Variants in SNX3 observed in about 807,000 individuals in gnomAD.
The protein encoded by SNX3 is sorting nexin 3, also known as sorting nexin-3.
A neutral mutation model predicts 17.7 loss-of-function variants in SNX3; 5 were observed. That is an observed-to-expected ratio of 0.28 (90% CI 0.15 to 0.59). The LOEUF (loss-of-function observed/expected upper bound fraction) is 0.59, where lower values mean the gene tolerates loss of function less well. Among genes scored for constraint, SNX3 ranks in the 20% least tolerant of loss-of-function variants. The probability of loss-of-function intolerance (pLI) is 0.88; values close to 1 mark genes in which losing one functional copy is unlikely to be tolerated. For synonymous variants in SNX3, 91 were observed against 76.5 expected (o/e 1.19, Z -0.99); for missense variants, 132 against 206.8 (o/e 0.64, Z 2.22).
chr6:108,255,639 C>T (rs1212651020), intron 1 of SNX3, among the ~76,000 whole-genome samples: 1 of 152,164 alleles, frequency 6.6e-6, no homozygotes, highest in Non-Finnish European at 1.5e-5. Flanking sequence ...ACAGGAGCCA[C>T]CGTGCCCGAC....
chr6:108,236,377 T>C (rs1326326711), intron 1 of SNX3, among the ~76,000 whole-genome samples: 1 of 125,008 alleles, frequency 8.0e-6, no homozygotes, highest in Non-Finnish European at 1.6e-5. Context: ...TTATTATTAT[T>C]ATTTTTTTTT....
chr6:108,253,670 G>C (rs2114768248), intron 1 of SNX3, among the ~76,000 whole-genome samples: 1 of 152,054 alleles, frequency 6.6e-6, no homozygotes, highest in South Asian at 2.1e-4. Context: ...TACTATTTTA[G>C]AATCTATTTT....
chr6:108,250,209 C>A (rs1293680626), intron 1 of SNX3, among the ~76,000 whole-genome samples: 2 of 152,178 alleles, frequency 1.3e-5, no homozygotes, highest in African/African-American at 2.4e-5. Context: ...CCATGCCCGG[C>A]CTCATGTTTT....
At chr6:108,250,626 G>C (rs1445936358) in intron 1 of SNX3, among the ~76,000 whole-genome samples, 1 of 152,138 alleles carries the variant, frequency 6.6e-6, no homozygotes, top group Non-Finnish European at 1.5e-5. Flanking sequence ...GTAAAGTCAA[G>C]ACAAGAGAGG....
chr6:108,240,016 G>A (rs1402398901), intron 1 of SNX3, among the ~76,000 whole-genome samples: 1 of 152,102 alleles, frequency 6.6e-6, no homozygotes, highest in Non-Finnish European at 1.5e-5. Context: ...AAAGTAAAAA[G>A]GTAAAGGGGG....
chr6:108,225,503 C>T (rs896308877), intron 1 of SNX3, among the ~76,000 whole-genome samples: 16 of 151,696 alleles, frequency 1.1e-4, no homozygotes, highest in Admixed American at 3.9e-4. Flanking sequence ...TGGTGGCGGG[C>T]GCCTGCAATC....
chr6:108,236,111 A>T (rs1024445755), intron 1 of SNX3, among the ~76,000 whole-genome samples: 3 of 152,168 alleles, frequency 2.0e-5, no homozygotes, highest in African/African-American at 7.2e-5. Context: ...GAAAGGTAAG[A>T]TTCTAAATAA....
At chr6:108,237,381 T>C (rs149942157) in intron 1 of SNX3, among the ~76,000 whole-genome samples, 2,753 of 152,322 alleles carry the variant, frequency 0.018, 41 homozygotes, top group Middle Eastern at 0.075. Flanking sequence ...CTTGGAAGCA[T>C]GGTAAGATTT....
At chr6:108,251,711 G>A (rs992942104) in intron 1 of SNX3, among the ~76,000 whole-genome samples, 4 of 152,186 alleles carry the variant, frequency 2.6e-5, no homozygotes, top group African/African-American at 9.7e-5. Context: ...TTTCTGGCAA[G>A]CTATAGCAAA....
intron 1 of SNX3, among the ~76,000 whole-genome samples, chr6:108,223,497 CTTTTTTTT>C (rs59920022): frequency 1.2e-4 from 13 of 110,368 alleles, no homozygotes; most frequent in East Asian, 2.3e-4. Context: ...TTTGCTAGTT[CTTTTTTTT>C]TTTTTTTTTT....
intron 3 of SNX3, 91 bp from the exon 4 acceptor site, chr6:108,212,345 T>C: frequency 2.8e-6 from 1 of 353,922 alleles, no homozygotes; most frequent in Non-Finnish European, 4.6e-6. Context: ...GCATGTATAA[T>C]TTTTTTTTTT....
chr6:108,256,472 G>A (rs1195438136), intron 1 of SNX3, among the ~76,000 whole-genome samples: 1 of 152,162 alleles, frequency 6.6e-6, no homozygotes, highest in Non-Finnish European at 1.5e-5. Context: ...CTTATTATGT[G>A]CCAGGCACTG....
chr6:108,247,275 G>A (rs143717182), intron 1 of SNX3, among the ~76,000 whole-genome samples: 2 of 152,182 alleles, frequency 1.3e-5, no homozygotes, highest in East Asian at 1.9e-4. Flanking sequence ...CCAGTCTCGG[G>A]TAGTAAATTT....
intron 1 of SNX3, among the ~76,000 whole-genome samples, chr6:108,225,995 A>G (rs1234194499): frequency 7.0e-6 from 1 of 142,946 alleles, no homozygotes; most frequent in East Asian, 2.2e-4. Flanking sequence ...AACTATGATT[A>G]TGATTGCACC....
chr6:108,228,545 T>TA (rs550060759), intron 1 of SNX3, among the ~76,000 whole-genome samples: 156 of 145,376 alleles, frequency 1.1e-3, no homozygotes, highest in Non-Finnish European at 1.9e-3. Context: ...AAACTCTGTT[T>TA]AAAAAAAAAA....
chr6:108,253,951 C>T (rs762465785), intron 1 of SNX3, among the ~76,000 whole-genome samples: 1 of 151,996 alleles, frequency 6.6e-6, no homozygotes, highest in Non-Finnish European at 1.5e-5. Flanking sequence ...AGGTGAAACA[C>T]CATCTCTACT....
intron 1 of SNX3, among the ~76,000 whole-genome samples, chr6:108,244,756 C>T (rs1186857218): frequency 1.4e-5 from 2 of 142,598 alleles, no homozygotes; most frequent in East Asian, 4.4e-4. Context: ...AATTCTGTCT[C>T]AGCTTTCCCA....
chr6:108,253,804 T>C (rs564178586), intron 1 of SNX3, among the ~76,000 whole-genome samples: 1 of 152,272 alleles, frequency 6.6e-6, no homozygotes, highest in Admixed American at 6.5e-5. Context: ...TTGCTGCATA[T>C]AAGTGCCCTT....
chr6:108,246,431 T>A (rs1057438246), intron 1 of SNX3, among the ~76,000 whole-genome samples: 8 of 149,032 alleles, frequency 5.4e-5, no homozygotes, highest in African/African-American at 2.0e-4. Context: ...TTCAAGTGAT[T>A]CTCCTGCCTC....
Sources: allele counts gnomAD v4.1 joint callset (sites outside exome capture counted in the v4.1 genomes callset), GRCh38; gene constraint gnomAD v4.1.1; transcripts MANE v1.5; gene names NCBI Gene and HGNC (gene_info 2026-07-23, HGNC 2026-07-21).